KIF26B: variants seen among roughly 807,000 people sequenced by gnomAD.
KIF26B encodes the protein kinesin-like protein KIF26B.
KIF26B carries 63 observed loss-of-function variants against 151.2 expected under a neutral mutation model. That is an observed-to-expected ratio of 0.42 (90% CI 0.34 to 0.51). The LOEUF is 0.51. KIF26B is among the 20% of genes least tolerant of loss of function. KIF26B has a pLI of 0.07. For synonymous variants in KIF26B, 1,357 were observed against 1,262.1 expected (o/e 1.08, Z -1.59); for missense variants, 2,813 against 2,913.6 (o/e 0.97, Z 0.79).
intron 10 of KIF26B, among the ~76,000 whole-genome samples, chr1:245,651,990 T>C (rs1370296188): frequency 1.3e-5 from 2 of 152,108 alleles, no homozygotes; most frequent in African/African-American, 4.8e-5. Flanking sequence ...GGATGTATAT[T>C]ACTTAGACGT....
At chr1:245,411,438 C>T (rs1050365549) in intron 3 of KIF26B, among the ~76,000 whole-genome samples, 7 of 152,182 alleles carry the variant, frequency 4.6e-5, no homozygotes, top group Non-Finnish European at 5.9e-5. Flanking sequence ...GAAGCCGTCC[C>T]AGGTTAGGAG....
chr1:245,575,429 C>G (rs561041049), intron 5 of KIF26B, among the ~76,000 whole-genome samples: 1 of 151,744 alleles, frequency 6.6e-6, no homozygotes, highest in East Asian at 2.0e-4. Flanking sequence ...AAGCTGAGAT[C>G]GTGCCACTAT....
At chr1:245,434,155 A>G (rs1658847691) in intron 4 of KIF26B, among the ~76,000 whole-genome samples, 1 of 152,176 alleles carries the variant, frequency 6.6e-6, no homozygotes, top group South Asian at 2.1e-4. Flanking sequence ...ATTTGTGGAG[A>G]AAACAGAATA....
chr1:245,482,321 C>T (rs936102733), intron 4 of KIF26B, among the ~76,000 whole-genome samples: 3 of 151,770 alleles, frequency 2.0e-5, no homozygotes, highest in African/African-American at 7.2e-5. Flanking sequence ...AACTCCTGAC[C>T]TCGTGATCCT....
Position 245,572,666 on chromosome 1 carries a change from G to A in KIF26B, c.1351-29911G>A, listed in dbSNP as rs886801992. Reference sequence around the variant, plus strand: ...TGCCTTTCCTAGAAGGAATCATCCCGATGATACTATTCCTTACTTCTCACA... The same window carrying A: ...TGCCTTTCCTAGAAGGAATCATCCCAATGATACTATTCCTTACTTCTCACA... On this transcript the variant is annotated intron_variant, in intron 5 of 14. Transcript: ENST00000407071. The surrounding 1 kb of genome is among the most constrained non-coding windows in gnomAD (Gnocchi z 4.2). 6.6e-6 allele frequency among the ~76,000 whole-genome samples: 1 copy of A among 152,230 alleles called. No individual in the cohort carries two copies. The highest frequency in any genetic ancestry group is 2.4e-5 in the African/African-American group (1 of 41,546).
intron 2 of KIF26B, among the ~76,000 whole-genome samples, chr1:245,321,924 G>C (rs1671893353): frequency 3.9e-5 from 6 of 152,150 alleles, no homozygotes. Context: ...GCCACAACTA[G>C]ACTGTGAGAG....
intron 2 of KIF26B, among the ~76,000 whole-genome samples, chr1:245,342,255 G>A (rs1289180859): frequency 2.0e-5 from 3 of 152,214 alleles, no homozygotes; most frequent in Non-Finnish European, 2.9e-5. Context: ...CCTTCAGTGA[G>A]TTTTTATTTC....
intron 2 of KIF26B, among the ~76,000 whole-genome samples, chr1:245,339,315 T>C (rs974482898): frequency 2.6e-5 from 4 of 152,218 alleles, no homozygotes; most frequent in East Asian, 1.9e-4. Context: ...ACTGACTTAA[T>C]GGATAAAGTT....
chr1:245,521,522 G>A (rs960135808), intron 4 of KIF26B, among the ~76,000 whole-genome samples: 4 of 152,234 alleles, frequency 2.6e-5, no homozygotes, highest in South Asian at 2.1e-4. Context: ...CTGAGCTAGC[G>A]CAATCCTTGA....
intron 4 of KIF26B, among the ~76,000 whole-genome samples, chr1:245,469,769 A>G (rs1427559008): frequency 6.6e-6 from 1 of 152,244 alleles, no homozygotes; most frequent in African/African-American, 2.4e-5. Context: ...AGAAATGGAC[A>G]ACTTAGAGCC....
In KIF26B at chr1:245,512,529, A is replaced by T. The variant is rs560482768; in HGVS notation, c.1167-28238A>T. Among the ~76,000 whole-genome samples, 1 of 152,330 alleles carries T rather than the reference A, an allele frequency of 6.6e-6. No individual in the cohort carries two copies. Among genetic ancestry groups the T allele is most frequent in the East Asian group, 1.9e-4 (1 of 5,186 alleles). On this transcript the variant is annotated intron_variant, in intron 4 of 14. Transcript: ENST00000407071. This position sits in a 1 kb window ranked among gnomAD's most constrained non-coding sequence, Gnocchi z 4.3. ...CCAAAGTGTTCCTAACAACTTTATT[A>T]ATTGGGGTTTAACATCATCAAGGGC... is the stretch of plus-strand genomic sequence containing the variant.
At chr1:245,477,314 C>T (rs1660061304) in intron 4 of KIF26B, among the ~76,000 whole-genome samples, 1 of 150,114 alleles carries the variant, frequency 6.7e-6, no homozygotes, top group African/African-American at 2.4e-5. Flanking sequence ...ACTTTTCAAG[C>T]ATGCACTGTG....
intron 5 of KIF26B, among the ~76,000 whole-genome samples, chr1:245,593,698 T>G (rs1365150697): frequency 2.6e-5 from 4 of 152,292 alleles, no homozygotes; most frequent in East Asian, 1.9e-4. Context: ...GTAATGGGAT[T>G]GCTGGGTCAA....
intron 4 of KIF26B, among the ~76,000 whole-genome samples, chr1:245,487,625 G>A (rs1660310240): frequency 6.6e-6 from 1 of 151,912 alleles, no homozygotes; most frequent in Non-Finnish European, 1.5e-5. Flanking sequence ...TTTGAGACAG[G>A]GTCTCAGTCC....
At chr1:245,634,222 A>G (rs1219923535) in intron 9 of KIF26B, among the ~76,000 whole-genome samples, 2 of 152,190 alleles carry the variant, frequency 1.3e-5, no homozygotes, top group Non-Finnish European at 2.9e-5. Context: ...TAGTTCTAGT[A>G]CCTTTTTTGT....
At chr1:245,210,644 A>T (rs1669501050) in intron 2 of KIF26B, among the ~76,000 whole-genome samples, 1 of 151,952 alleles carries the variant, frequency 6.6e-6, no homozygotes, top group Admixed American at 6.6e-5. Flanking sequence ...TTGAAGCTGG[A>T]GGGTGAGTGT....
intron 4 of KIF26B, among the ~76,000 whole-genome samples, chr1:245,539,610 C>G (rs1403792789): frequency 6.6e-6 from 1 of 152,122 alleles, no homozygotes; most frequent in East Asian, 1.9e-4. Flanking sequence ...ACTGCCCCTT[C>G]CCCTGTTTTC....
chr1:245,487,470 C>T (rs772745801), intron 4 of KIF26B, among the ~76,000 whole-genome samples: 21 of 152,326 alleles, frequency 1.4e-4, no homozygotes, highest in Non-Finnish European at 2.8e-4. Flanking sequence ...CAGGTGGAAG[C>T]TTCACAGTGT....
At chr1:245,662,511 A>T (rs1222861038) in intron 10 of KIF26B, among the ~76,000 whole-genome samples, 1 of 149,536 alleles carries the variant, frequency 6.7e-6, no homozygotes, top group Non-Finnish European at 1.5e-5. Context: ...ACACCCAATG[A>T]TATATATACA....
Sources: gnomAD v4.1 joint callset for allele counts (sites outside exome capture counted in the v4.1 genomes callset) on GRCh38, gnomAD v4.1.1 for gene constraint, Gnocchi (gnomAD v3.1) non-coding constraint, MANE v1.5 for transcripts, NCBI Gene and HGNC (gene_info 2026-07-23, HGNC 2026-07-21) for gene names.